SLC9A4: variants seen among roughly 807,000 people sequenced by gnomAD.
SLC9A4 encodes the protein solute carrier family 9 member A4, also known as sodium/hydrogen exchanger 4.
In SLC9A4, 63 loss-of-function variants were observed where a neutral mutation model predicts 67.4. That is an observed-to-expected ratio of 0.93 (90% confidence interval 0.76 to 1.15). SLC9A4 has a LOEUF of 1.15. SLC9A4 is among the 50% of genes most tolerant of loss of function. The pLI is 0.00. For missense variants in SLC9A4, 1,089 were observed against 987.7 expected (o/e 1.10, Z -1.38); for synonymous variants, 393 against 367.2 (o/e 1.07, Z -0.80).
chr2:102,494,771 C>G (rs755816119), intron 2 of SLC9A4, among the ~76,000 whole-genome samples: 1 of 151,944 alleles, frequency 6.6e-6, no homozygotes, highest in African/African-American at 2.4e-5. Context: ...AAAAAGCTGA[C>G]TAATCAAGAA....
rs747814840 is a variant in SLC9A4 at position 102,473,875 on chromosome 2, A to C, written c.116A>C (p.Gln39Pro). The C allele has an allele frequency of 1.2e-6, 2 of 1,614,140 alleles. No individual in the cohort carries two copies. Among genetic ancestry groups the C allele is most frequent in the South Asian group, 2.2e-5 (2 of 91,082 alleles). ...DLNESANSTA[Q>P]YASNAWFAAA... ...AATGAATCTGCAAATTCCACTGCTC[A>C]GTATGCATCTAACGCTTGGTTTGCT... Residue 39 changes from glutamine (Q) to proline (P), a missense_variant, in exon 1 of 12, where the codon CAG (glutamine) becomes CCG (proline). Gln to Pro is a moderately conservative substitution (Grantham distance 76, BLOSUM62 -1). Transcript: ENST00000295269.
intron 7 of SLC9A4, 107 bp downstream of exon 7, chr2:102,512,380 T>G: frequency 1.6e-6 from 2 of 1,232,984 alleles, no homozygotes; most frequent in Non-Finnish European, 2.3e-6. Context: ...GAAGATAAAG[T>G]GCTCCTGAGC....
In SLC9A4 at chr2:102,508,081, G is replaced by A. The variant is rs183233007; in HGVS notation, c.1201G>A (p.Val401Ile). ...AATACACGTTTCCCCCTTTCTAGGCGTATTTGCTCTCTTCTATATCAGTAA... is the reference window on the plus strand; with the variant it reads ...AATACACGTTTCCCCCTTTCTAGGCATATTTGCTCTCTTCTATATCAGTAA... ...AFCQIWRAIS[V>I]FALFYISNQF... The change falls in exon 5 of 12, where the codon GTA (valine) becomes ATA (isoleucine). Residue 401 changes from valine to isoleucine, a missense_variant and splice_region_variant. Val to Ile is a conservative substitution (Grantham distance 29). Coordinates refer to ENST00000295269, the MANE Select transcript of SLC9A4 (RefSeq NM_001011552.4). 8.5e-5 allele frequency: 137 copies of A among 1,614,014 alleles called. No homozygotes were observed. The highest frequency in any genetic ancestry group is 1.0e-4 in the Non-Finnish European group (118 of 1,179,924).
chr2:102,476,688 T>G (rs920893666), intron 1 of SLC9A4, among the ~76,000 whole-genome samples: 7 of 149,732 alleles, frequency 4.7e-5, no homozygotes, highest in Non-Finnish European at 7.4e-5. Context: ...AGGAAAACGG[T>G]AAGGAGAAAG....
In SLC9A4 at chr2:102,508,062, C is replaced by T. The variant is rs201793078; in HGVS notation, c.1199-17C>T. 1,813 of 1,612,084 alleles carry T rather than the reference C, an allele frequency of 1.1e-3. 29 individuals are homozygous for T. The South Asian group carries it at 0.015, about 13-fold the overall frequency. On this transcript the variant is annotated splice_polypyrimidine_tract_variant and intron_variant, in intron 4 of 11. Transcript: ENST00000295269. The stretch of plus-strand genomic sequence containing the variant: ...GTTCATGATCCTCTGCTCTAATACA[C>T]GTTTCCCCCTTTCTAGGCGTATTTG...
intron 2 of SLC9A4, among the ~76,000 whole-genome samples, chr2:102,485,614 C>T (rs138457114): frequency 6.6e-6 from 1 of 152,300 alleles, no homozygotes; most frequent in Non-Finnish European, 1.5e-5. Flanking sequence ...TAGAATGGAG[C>T]ATTGCGGAGG....
At chr2:102,486,867 C>T (rs955101419) in intron 2 of SLC9A4, among the ~76,000 whole-genome samples, 2 of 152,244 alleles carry the variant, frequency 1.3e-5, no homozygotes, top group African/African-American at 4.8e-5. Context: ...CATCTGCCAT[C>T]TGCCGGGTGT....
chr2:102,516,020 T>C (rs1685269781), intron 8 of SLC9A4, among the ~76,000 whole-genome samples: 1 of 152,216 alleles, frequency 6.6e-6, no homozygotes, highest in Non-Finnish European at 1.5e-5. Context: ...TTCACTTATG[T>C]GAGCCCTTGG....
Position 102,503,629 on chromosome 2 carries a change from T to C in SLC9A4, c.902T>C (p.Ile301Thr). The C allele has an allele frequency of 1.2e-6, 2 of 1,614,224 alleles. No individual in the cohort carries two copies. The highest frequency in any genetic ancestry group is 1.7e-5 in the Admixed American group (1 of 60,020). Residue 301 changes from isoleucine to threonine, a missense_variant, in exon 3 of 12, where the codon ATT becomes ACT. Ile to Thr is a moderately conservative substitution (Grantham distance 89, BLOSUM62 -1). Coordinates refer to ENST00000295269, the MANE Select transcript of SLC9A4 (RefSeq NM_001011552.4). ...CGTTTCACTCAGAATATCTCTGCAA[T>C]TGAGCCACTCATCGTCTTCATGTTC... The part of the protein sequence containing the change: ...ITRFTQNISA[I>T]EPLIVFMFSY...
Position 102,514,185 on chromosome 2 carries a change from T to A in SLC9A4, c.1655T>A (p.Met552Lys). ...GTTTCTTTGTACAAGAAGCTGGAAATGAAGCAAGCCATCGAGATGGTGGAG... is the reference window on the plus strand; with the variant it reads ...GTTTCTTTGTACAAGAAGCTGGAAAAGAAGCAAGCCATCGAGATGGTGGAG... The part of the protein sequence containing the change: ...SIVSLYKKLE[M>K]KQAIEMVETG... Residue 552 changes from methionine to lysine, a missense_variant, in exon 8 of 12, where the codon ATG becomes AAG. Met to Lys is a moderately conservative substitution (Grantham distance 95). Coordinates refer to ENST00000295269, the MANE Select transcript of SLC9A4 (RefSeq NM_001011552.4). 1.2e-6 allele frequency: 2 copies of A among 1,614,112 alleles called. No individual in the cohort carries two copies. The highest frequency in any genetic ancestry group is 8.5e-7 in the Non-Finnish European group (1 of 1,180,008).
chr2:102,475,960 C>A (rs940813084), intron 1 of SLC9A4, among the ~76,000 whole-genome samples: 3 of 152,256 alleles, frequency 2.0e-5, no homozygotes, highest in African/African-American at 7.2e-5. Flanking sequence ...ATGATTCATT[C>A]TTTTATTCCT....
intron 8 of SLC9A4, among the ~76,000 whole-genome samples, chr2:102,518,279 G>T (rs1032312703): frequency 1.6e-4 from 25 of 152,092 alleles, no homozygotes; most frequent in African/African-American, 6.0e-4. Context: ...CTTTATCAAT[G>T]GTTTTCCCTA....
chr2:102,519,891 C>G lies in SLC9A4; in HGVS notation c.1754C>G (p.Ser585Cys), dbSNP rs61731274. ...AQRIQGIKRL[S>C]PEDVESIRDI... ...AGGATACAAGGAATCAAAAGACTTT[C>G]CCCTGAAGATGTGGAGTCCATAAGG... The change falls in exon 9 of 12, where the codon TCC becomes TGC. Residue 585 changes from serine to cysteine, a missense_variant. Transcript: ENST00000295269. The G allele has an allele frequency of 1.9e-6, 3 of 1,613,648 alleles. No individual in the cohort carries two copies. The highest frequency in any genetic ancestry group is 1.3e-5 in the African/African-American group (1 of 74,868).
intron 7 of SLC9A4, among the ~76,000 whole-genome samples, chr2:102,513,747 C>G (rs1685215689): frequency 6.6e-6 from 1 of 152,148 alleles, no homozygotes; most frequent in Admixed American, 6.5e-5. Flanking sequence ...AGCTTCAGCC[C>G]CCTCATTTCT....
chr2:102,516,610 C>G (rs568474720), intron 8 of SLC9A4, among the ~76,000 whole-genome samples: 2 of 152,194 alleles, frequency 1.3e-5, no homozygotes, highest in African/African-American at 4.8e-5. Flanking sequence ...CAGGAGAACA[C>G]TGCCACTATG....
intron 2 of SLC9A4, among the ~76,000 whole-genome samples, chr2:102,493,465 C>T (rs1684745573): frequency 6.6e-6 from 1 of 151,830 alleles, no homozygotes; most frequent in African/African-American, 2.4e-5. Flanking sequence ...TGGTGGCAGG[C>T]AAGAGAGCAT....
intron 2 of SLC9A4, among the ~76,000 whole-genome samples, chr2:102,480,162 C>A (rs1442182529): frequency 6.6e-6 from 1 of 152,134 alleles, no homozygotes; most frequent in Admixed American, 6.5e-5. Flanking sequence ...ACAAAAACTT[C>A]TGCTTGCCCT....
In SLC9A4 at chr2:102,532,739, A is replaced by G. The variant is rs1421944614; in HGVS notation, c.*51A>G. Reference sequence around the variant, plus strand: ...GTGTTTCTCAAGAGTCTGTCTTCCTATAACTGTGAAAGGAGGATTTCTGGA... The same window carrying G: ...GTGTTTCTCAAGAGTCTGTCTTCCTGTAACTGTGAAAGGAGGATTTCTGGA... On this transcript the variant is annotated 3_prime_UTR_variant, in exon 12 of 12. Transcript: ENST00000295269. 4 of 1,522,938 alleles carry G rather than the reference A, an allele frequency of 2.6e-6. No individual in the cohort carries two copies. The highest frequency in any genetic ancestry group is 3.6e-6 in the Non-Finnish European group (4 of 1,122,368). 94.3% of individuals were successfully genotyped at this position (1,522,938 alleles called of 1,614,324 possible).
intron 2 of SLC9A4, among the ~76,000 whole-genome samples, chr2:102,500,259 C>T (rs1028530169): frequency 2.0e-5 from 3 of 152,088 alleles, no homozygotes; most frequent in Non-Finnish European, 2.9e-5. Context: ...TGAGGACTGC[C>T]GGCAGTCACC....
Sources: allele counts gnomAD v4.1 joint callset (sites outside exome capture counted in the v4.1 genomes callset), GRCh38; gene constraint gnomAD v4.1.1; transcripts MANE v1.5; gene names NCBI Gene and HGNC (gene_info 2026-07-23, HGNC 2026-07-21).